SLC25A10: variants seen among roughly 807,000 people sequenced by gnomAD.
SLC25A10 encodes solute carrier family 25 member 10.
In SLC25A10, 32 loss-of-function variants were observed where a neutral mutation model predicts 40.4. The ratio of observed to expected loss-of-function variants is 0.79; its 90% CI spans 0.60 to 1.06. The LOEUF (loss-of-function observed/expected upper bound fraction) is 1.06, where lower values mean the gene tolerates loss of function less well. Ranked by LOEUF, SLC25A10 falls within the 50% of genes least tolerant of loss-of-function variation. SLC25A10 has a pLI of 0.00. For missense variants in SLC25A10, 394 were observed against 402.6 expected (o/e 0.98, Z 0.18); for synonymous variants, 181 against 171.1 (o/e 1.06, Z -0.45).
Position 81,720,514 on chromosome 17 carries a change from C to A in SLC25A10, c.*437C>A. ...AGCCTGGCTGTTGCTCACCCAAGTG[C>A]TAGCTCTGCACTTCGTGTCTGCTGA... is the stretch of plus-strand genomic sequence containing the variant. On this transcript the variant is annotated 3_prime_UTR_variant, in exon 11 of 11. Coordinates refer to ENST00000350690, the MANE Select transcript of SLC25A10 (RefSeq NM_012140.5). 1 of 1,312,584 alleles carries A rather than the reference C, an allele frequency of 7.6e-7. No individual in the cohort carries two copies. Among genetic ancestry groups the A allele is most frequent in the Non-Finnish European group, 9.7e-7 (1 of 1,035,990 alleles). 81.3% of individuals were successfully genotyped at this position (1,312,584 alleles called of 1,614,324 possible). A position where few individuals can be genotyped will look rare whatever the true frequency, so the allele number is the denominator to read the frequency against.
Position 81,720,409 on chromosome 17 carries a change from C to T in SLC25A10, c.*332C>T. 1 of 1,386,074 alleles carries T rather than the reference C, an allele frequency of 7.2e-7. No homozygotes were observed. The highest frequency in any genetic ancestry group is 1.8e-5 in the South Asian group (1 of 55,464). 85.9% of individuals were successfully genotyped at this position (1,386,074 alleles called of 1,614,324 possible). On this transcript the variant is annotated 3_prime_UTR_variant, in exon 11 of 11. Coordinates refer to ENST00000350690, the MANE Select transcript of SLC25A10 (RefSeq NM_012140.5). ...TCCTGGGCCAGGGGAGGGGTATTAT[C>T]CCTGCCTCCTGCCCCCGATGCCCAA...
intron 8 of SLC25A10, 48 bp from the exon 9 acceptor site, chr17:81,717,736 G>C: frequency 6.3e-7 from 1 of 1,589,674 alleles, no homozygotes; most frequent in Non-Finnish European, 8.6e-7. Context: ...ATTCGGCGAT[G>C]GTGCCTGGCG....
chr17:81,717,818 A>G lies in SLC25A10; in HGVS notation c.662A>G (p.Asp221Gly), dbSNP rs149623472. The G allele has an allele frequency of 6.2e-7, 1 of 1,612,130 alleles. No homozygotes were observed. The highest frequency in any genetic ancestry group is 1.3e-5 in the African/African-American group (1 of 74,988). ...GCATFLCQPL[D>G]VLKTRLMNSK... is the part of the protein sequence containing the mutation. ...GCCACGTTCCTGTGCCAGCCCCTGGATGTGCTGAAGACTCGCCTGATGAAC... is the reference window on the plus strand; with the variant it reads ...GCCACGTTCCTGTGCCAGCCCCTGGGTGTGCTGAAGACTCGCCTGATGAAC... Residue 221 changes from aspartate to glycine, a missense_variant, in exon 9 of 11, where the codon GAT becomes GGT. Asp to Gly is a moderately conservative substitution (Grantham distance 94). Coordinates refer to ENST00000350690, the MANE Select transcript of SLC25A10 (RefSeq NM_012140.5).
At chr17:81,714,597 G>A (rs746989848) in intron 1 of SLC25A10, among the ~76,000 whole-genome samples, 42 of 152,188 alleles carry the variant, frequency 2.8e-4, no homozygotes, top group Admixed American at 1.1e-3. Context: ...TAGGGCTCTG[G>A]GGTCTCCTCG....
At chr17:81,717,115 C>T in intron 7 of SLC25A10, 43 bp downstream of exon 7, 1 of 1,582,262 alleles carries the variant, frequency 6.3e-7, no homozygotes, top group Non-Finnish European at 8.7e-7. Context: ...TGCCTGTGAC[C>T]ACTGACCTCC....
chr17:81,716,690 T>A (rs1300346707), intron 5 of SLC25A10, 122 bp from the exon 6 acceptor site: 4 of 955,178 alleles, frequency 4.2e-6, no homozygotes, highest in African/African-American at 1.6e-5. Flanking sequence ...GGGAGAGATC[T>A]TCAGGCCCAT....
intron 9 of SLC25A10, 132 bp downstream of exon 9, chr17:81,717,993 G>A: frequency 1.5e-6 from 1 of 686,742 alleles, no homozygotes. Flanking sequence ...TCTCTGCACA[G>A]CACTTGCCTT....
rs774772440 is a variant in SLC25A10 at position 81,719,884 on chromosome 17, C to T, written c.759C>T (p.Tyr253=). 7 of 1,613,900 alleles carry T rather than the reference C, an allele frequency of 4.3e-6. No individual in the cohort carries two copies. Among genetic ancestry groups the T allele is most frequent in the Non-Finnish European group, 5.9e-6 (7 of 1,180,008 alleles). Residue 253 remains tyrosine (Y), a synonymous_variant, in exon 10 of 11, where the codon TAC becomes TAT. Transcript: ENST00000350690. ...CGAAGCTCGGGCCTCTGGCCTTTTACAAGGTGCAGTGGTGGCGGCAGTGGC... is the reference window on the plus strand; with the variant it reads ...CGAAGCTCGGGCCTCTGGCCTTTTATAAGGTGCAGTGGTGGCGGCAGTGGC... ...ETAKLGPLAF[Y]KGLVPAGIRL...
Position 81,714,881 on chromosome 17 carries a change from C to T in SLC25A10, c.94-72C>T, listed in dbSNP as rs1262548366. The T allele has an allele frequency of 1.1e-5, 17 of 1,574,978 alleles. No individual in the cohort carries two copies. In the East Asian group the frequency reaches 3.2e-4, roughly 29 times the overall value. On this transcript the variant is annotated intron_variant, in intron 1 of 10. Coordinates refer to ENST00000350690, the MANE Select transcript of SLC25A10 (RefSeq NM_012140.5). ...TTATCACTGCCTCCTGCCTCAGTTT[C>T]CCCCTCTCTGGATGAACCTGGCACC...
Position 81,715,593 on chromosome 17 carries a change from G to A in SLC25A10, c.328+1G>A, listed in dbSNP as rs1255101181. 2 of 1,611,862 alleles carry A rather than the reference G, an allele frequency of 1.2e-6. No individual in the cohort carries two copies. Among genetic ancestry groups the A allele is most frequent in the Non-Finnish European group, 1.7e-6 (2 of 1,179,078 alleles). ...AAGGTGTTGCTGGGCTCCGTCAGCGGTGAGCTGCCGGGCGGGAGGGGGAGG... is the reference window on the plus strand; with the variant it reads ...AAGGTGTTGCTGGGCTCCGTCAGCGATGAGCTGCCGGGCGGGAGGGGGAGG... On this transcript the variant is annotated splice_donor_variant, in intron 3 of 10. Transcript: ENST00000350690. LOFTEE classifies it high-confidence loss of function.
chr17:81,716,779 G>T, intron 5 of SLC25A10, 33 bp from the exon 6 acceptor site: 3 of 1,594,244 alleles, frequency 1.9e-6, no homozygotes, highest in East Asian at 2.3e-5. Flanking sequence ...TGGTCAGGGG[G>T]AGTCTCATGT....
chr17:81,712,380 G>A lies in SLC25A10; in HGVS notation c.-47G>A. On this transcript the variant is annotated 5_prime_UTR_variant, in exon 1 of 11. Transcript: ENST00000350690. ...CTGCGGCCGGTACACGCCGGGGTAG[G>A]GCCGGGGTCGGGTTGTGGTCGGGCC... The A allele has an allele frequency of 1.7e-6, 2 of 1,180,954 alleles. No individual in the cohort carries two copies. Among genetic ancestry groups the A allele is most frequent in the Non-Finnish European group, 2.1e-6 (2 of 938,962 alleles). 73.2% of individuals were successfully genotyped at this position (1,180,954 alleles called of 1,614,324 possible). A position where few individuals can be genotyped will look rare whatever the true frequency, so the allele number is the denominator to read the frequency against.
chr17:81,712,877 C>T (rs1325764896), intron 1 of SLC25A10, among the ~76,000 whole-genome samples: 1 of 152,242 alleles, frequency 6.6e-6, no homozygotes, highest in South Asian at 2.1e-4. Context: ...CTCCTTCCGC[C>T]TAGTTAGAAG....
At chr17:81,717,210 G>A in intron 7 of SLC25A10, 138 bp downstream of exon 7, 1 of 1,114,980 alleles carries the variant, frequency 9.0e-7, no homozygotes, top group Non-Finnish European at 1.3e-6. Context: ...GGGCAGGGTG[G>A]GGGGCACGGG....
chr17:81,719,974 A>G lies in SLC25A10; in HGVS notation c.763-2A>G, dbSNP rs1205932338. On this transcript the variant is annotated splice_acceptor_variant, in intron 10 of 10. Transcript: ENST00000350690. LOFTEE classifies it high-confidence loss of function. The stretch of plus-strand genomic sequence containing the variant: ...TCTCTCATTTTCCCTGTCTCCCTCC[A>G]GGGCCTCGTCCCAGCTGGCATCCGC... 6.2e-7 allele frequency: 1 copy of G among 1,613,712 alleles called. No individual in the cohort carries two copies. The highest frequency in any genetic ancestry group is 8.5e-7 in the Non-Finnish European group (1 of 1,180,000).
Position 81,712,459 on chromosome 17 carries a change from C to G in SLC25A10, c.33C>G (p.Tyr11Ter). Residue 11 changes from tyrosine (Y) to a stop codon, truncating the protein, a stop_gained, in exon 1 of 11, where the codon TAC becomes TAG. Transcript: ENST00000350690. LOFTEE classifies it high-confidence loss of function. MAAEARVSRWYFGGLASCGAA... is the reference protein window; with the variant it reads MAAEARVSRW ...CCGAGGCGCGCGTGTCGCGCTGGTA[C>G]TTCGGGGGGCTGGCCTCCTGCGGGG... 7 of 1,309,496 alleles carry G rather than the reference C, an allele frequency of 5.3e-6. No individual in the cohort carries two copies. The highest frequency in any genetic ancestry group is 6.8e-6 in the Non-Finnish European group (7 of 1,030,652). 81.1% of individuals were successfully genotyped at this position (1,309,496 alleles called of 1,614,324 possible).
intron 9 of SLC25A10, among the ~76,000 whole-genome samples, chr17:81,718,733 A>G (rs1292073682): frequency 6.6e-6 from 1 of 151,256 alleles, no homozygotes; most frequent in Non-Finnish European, 1.5e-5. Flanking sequence ...GCAGATCACA[A>G]GTCAGGAGTT....
chr17:81,713,906 G>A (rs746791810), intron 1 of SLC25A10, among the ~76,000 whole-genome samples: 5 of 152,370 alleles, frequency 3.3e-5, no homozygotes, highest in South Asian at 2.1e-4. Context: ...AGCATATGGC[G>A]CTGTGGTCAG....
At chr17:81,714,612 G>C (rs943651085) in intron 1 of SLC25A10, among the ~76,000 whole-genome samples, 1 of 152,148 alleles carries the variant, frequency 6.6e-6, no homozygotes, top group Non-Finnish European at 1.5e-5. Context: ...TCCTCGCTGG[G>C]CCCAAATCCT....
Sources: allele counts gnomAD v4.1 joint callset (sites outside exome capture counted in the v4.1 genomes callset), GRCh38; gene constraint gnomAD v4.1.1; transcripts MANE v1.5; gene names NCBI Gene and HGNC (gene_info 2026-07-23, HGNC 2026-07-21).